The following ZNF705G variants were observed in gnomAD, a reference collection of about 807,000 sequenced individuals.
The protein encoded by ZNF705G is zinc finger protein 705G.
A neutral mutation model predicts 19.6 loss-of-function variants in ZNF705G; 23 were observed. The ratio of observed to expected loss-of-function variants is 1.17; its 90% CI spans 0.84 to 1.66. The LOEUF (loss-of-function observed/expected upper bound fraction) is 1.66, where lower values mean the gene tolerates loss of function less well. Ranked by LOEUF, ZNF705G falls within the 40% of genes most tolerant of loss-of-function variation. The probability of loss-of-function intolerance (pLI) is 0.00; values close to 1 mark genes in which losing one functional copy is unlikely to be tolerated. For missense variants in ZNF705G, 457 were observed against 354.4 expected, an observed-to-expected ratio of 1.29 and a Z score of -2.32; for synonymous variants, 146 against 117.7, an observed-to-expected ratio of 1.24 and a Z score of -1.56.
intron 6 of ZNF705G, among the ~76,000 whole-genome samples, chr8:7,359,261 G>A (rs972647703): frequency 6.7e-6 from 1 of 149,602 alleles, no homozygotes; most frequent in Non-Finnish European, 1.5e-5. Context: ...ATTGAGACTT[G>A]TCTTGTCATT....
chr8:7,375,790 G>A (rs1395761178), intron 2 of ZNF705G, among the ~76,000 whole-genome samples: 1 of 82,944 alleles, frequency 1.2e-5, no homozygotes, highest in Non-Finnish European at 2.3e-5. Context: ...TCAGATTCTG[G>A]AATATACATA....
At chr8:7,361,555 T>C (rs1416718936) in intron 3 of ZNF705G, among the ~76,000 whole-genome samples, 1 of 149,712 alleles carries the variant, frequency 6.7e-6, no homozygotes, top group Admixed American at 6.6e-5. Flanking sequence ...CATTCATAAA[T>C]AAAATGAAAT....
intron 2 of ZNF705G, among the ~76,000 whole-genome samples, chr8:7,368,044 G>T (rs1324488267): frequency 1.3e-5 from 2 of 149,580 alleles, no homozygotes; most frequent in Non-Finnish European, 2.9e-5. Context: ...AAAGTCTTCA[G>T]ATGCTCCTTC....
At chr8:7,368,075 G>C (rs1806941587) in intron 2 of ZNF705G, among the ~76,000 whole-genome samples, 2 of 149,418 alleles carry the variant, frequency 1.3e-5, no homozygotes, top group Admixed American at 1.3e-4. Flanking sequence ...TGCATCCTCT[G>C]ATTGGCTTCC....
Position 7,382,854 on chromosome 8 carries a change from T to C in ZNF705G, c.-221-1253A>G, listed in dbSNP as rs191755647. Among the ~76,000 whole-genome samples the C allele has an allele frequency of 7.1e-4, 104 of 146,916 alleles. 4 individuals are homozygous for C. The highest frequency in any genetic ancestry group is 1.1e-3 in the Non-Finnish European group (74 of 67,996). ...TTTTTTGTTACATGGATGAATTACA[T>C]AGTGGTGAATTCTGAGATTTTAGTA... On this transcript the variant is annotated intron_variant, in intron 1 of 6. Transcript: ENST00000400156.
In ZNF705G at chr8:7,357,677, A is replaced by C; in HGVS notation, c.*299T>G. The C allele has an allele frequency of 1.9e-6, 1 of 521,242 alleles. No homozygotes were observed. The allele number at this position is 521,242 out of a possible 1,614,324, so 32.3% of individuals were successfully genotyped here. ...ATTTCTCTTCCATATGAATTTATTG[A>C]TGTGGACTGAAGAATAAAGGTAACT... On this transcript the variant is annotated 3_prime_UTR_variant, in exon 7 of 7. Transcript: ENST00000400156.
chr8:7,368,910 C>A (rs1348069297), intron 2 of ZNF705G, among the ~76,000 whole-genome samples: 1 of 149,610 alleles, frequency 6.7e-6, no homozygotes, highest in African/African-American at 2.6e-5. Context: ...TGCAGGTGCA[C>A]AAGGTACAGG....
intron 2 of ZNF705G, among the ~76,000 whole-genome samples, chr8:7,365,175 T>C (rs866458262): frequency 1.3e-5 from 2 of 149,566 alleles, no homozygotes; most frequent in Non-Finnish European, 2.9e-5. Context: ...AGATTAAATA[T>C]ATTTAAAAAC....
At chr8:7,359,402 A>G (rs1181882900) in intron 6 of ZNF705G, among the ~76,000 whole-genome samples, 1 of 149,788 alleles carries the variant, frequency 6.7e-6, no homozygotes, top group African/African-American at 2.6e-5. Flanking sequence ...GGGCATGAGC[A>G]ATGTATATGC....
rs1220180135 is a variant in ZNF705G at position 7,358,017 on chromosome 8, G to A, written c.862C>T (p.Leu288=). The A allele has an allele frequency of 6.2e-7, 1 of 1,608,878 alleles. No individual in the cohort carries two copies. The highest frequency in any genetic ancestry group is 1.4e-5 in the African/African-American group (1 of 71,168). ...GACAGACTGAAGGCCTTCCCACATA[G>A]AAGACAAGCATGTGGTTTCTCTCCA... ...HTGEKPHACL[L]CGKAFSLSSN... Residue 288 remains leucine, a synonymous_variant, in exon 7 of 7, where the codon CTA becomes TTA. Coordinates refer to ENST00000400156, the MANE Select transcript of ZNF705G (RefSeq NM_001164457.3).
chr8:7,371,211 C>A (rs1585422016), intron 2 of ZNF705G, among the ~76,000 whole-genome samples: 6 of 112,156 alleles, frequency 5.3e-5, no homozygotes. Flanking sequence ...ATAGGCCAAC[C>A]ACAGAATGAC....
At chr8:7,380,773 A>G (rs1470156169) in intron 2 of ZNF705G, among the ~76,000 whole-genome samples, 2 of 146,330 alleles carry the variant, frequency 1.4e-5, no homozygotes, top group Admixed American at 6.6e-5. Context: ...TAATCCTAGC[A>G]CTTTGGAAGG....
intron 1 of ZNF705G, among the ~76,000 whole-genome samples, 173 bp downstream of exon 1, chr8:7,385,325 T>C (rs1807678032): frequency 6.7e-6 from 1 of 148,638 alleles, no homozygotes; most frequent in Non-Finnish European, 1.5e-5. Context: ...CAGCAAATAA[T>C]GATGGTGATA....
At chr8:7,385,193 G>T (rs12680482) in intron 1 of ZNF705G, among the ~76,000 whole-genome samples, 8,830 of 146,934 alleles carry the variant, frequency 0.06, 234 homozygotes, top group East Asian at 0.17. Context: ...GTCATGGTGG[G>T]CCAAGTGGGT....
At chr8:7,376,762 A>T (rs1373349971) in intron 2 of ZNF705G, among the ~76,000 whole-genome samples, 4 of 150,250 alleles carry the variant, frequency 2.7e-5, no homozygotes, top group Non-Finnish European at 5.9e-5. Flanking sequence ...ACATAGGAAT[A>T]TTGTTCCCTT....
rs1419747962 is a variant in ZNF705G at position 7,358,222 on chromosome 8, C to G, written c.657G>C (p.Glu219Asp). ...FTQCSHLRRH[E>D]KTHTGQRPYK... is the part of the protein sequence containing the mutation. Reference sequence around the variant, plus strand: ...ATGGTCTCTGTCCCGTGTGAGTTTTCTCGTGTCTTCTAAGGTGAGAACACT... The same window carrying G: ...ATGGTCTCTGTCCCGTGTGAGTTTTGTCGTGTCTTCTAAGGTGAGAACACT... The change falls in exon 7 of 7, where the codon GAG (glutamate) becomes GAC (aspartate). Residue 219 changes from glutamate (E) to aspartate (D), a missense_variant. Coordinates refer to ENST00000400156, the MANE Select transcript of ZNF705G (RefSeq NM_001164457.3). 3.7e-6 allele frequency: 6 copies of G among 1,607,606 alleles called. No individual in the cohort carries two copies. Among genetic ancestry groups the G allele is most frequent in the Non-Finnish European group, 4.2e-6 (5 of 1,179,618 alleles).
chr8:7,367,208 T>C (rs1375732033), intron 2 of ZNF705G, among the ~76,000 whole-genome samples: 1 of 149,524 alleles, frequency 6.7e-6, no homozygotes, highest in Non-Finnish European at 1.5e-5. Context: ...ACAAGGCTTG[T>C]CTTGTTACAG....
chr8:7,379,703 T>A (rs1807403221), intron 2 of ZNF705G, among the ~76,000 whole-genome samples: 1 of 147,274 alleles, frequency 6.8e-6, no homozygotes, highest in Non-Finnish European at 1.5e-5. Context: ...ATTCCCACTG[T>A]GGACACTGCA....
Position 7,358,420 on chromosome 8 carries a change from A to C in ZNF705G, c.459T>G (p.Leu153=). Residue 153 remains leucine (L), a synonymous_variant, in exon 7 of 7, where the codon CTT becomes CTG. Coordinates refer to ENST00000400156, the MANE Select transcript of ZNF705G (RefSeq NM_001164457.3). The part of the protein sequence containing the change: ...PYVSKQCGKS[L]RNLLSTEPHK... Reference sequence around the variant, plus strand: ...GTGGTTCAGTGGACAAAAGATTACGAAGGGATTTTCCACACTGTTTGCTGA... The same window carrying C: ...GTGGTTCAGTGGACAAAAGATTACGCAGGGATTTTCCACACTGTTTGCTGA... The C allele has an allele frequency of 1.2e-6, 2 of 1,607,710 alleles. No individual in the cohort carries two copies. The highest frequency in any genetic ancestry group is 1.7e-6 in the Non-Finnish European group (2 of 1,179,598).
Sources: allele counts gnomAD v4.1 joint callset (sites outside exome capture counted in the v4.1 genomes callset), GRCh38; gene constraint gnomAD v4.1.1; transcripts MANE v1.5; gene names NCBI Gene and HGNC (gene_info 2026-07-23, HGNC 2026-07-21).